The following SPIRE1 variants were observed in gnomAD, a reference collection of about 807,000 sequenced individuals.
The protein encoded by SPIRE1 is spire type actin nucleation factor 1.
A neutral mutation model predicts 94.1 loss-of-function variants in SPIRE1; 40 were observed. The ratio of observed to expected loss-of-function variants is 0.43; its 90% CI spans 0.33 to 0.55. The LOEUF is 0.55. SPIRE1 is among the 20% of genes least tolerant of loss of function. SPIRE1 has a pLI of 0.06. For missense variants in SPIRE1, 838 were observed against 975.2 expected, an observed-to-expected ratio of 0.86 and a Z score of 1.87; for synonymous variants, 376 against 371.7, an observed-to-expected ratio of 1.01 and a Z score of -0.13.
chr18:12,617,599 CG>C (rs2037348433), intron 2 of SPIRE1, among the ~76,000 whole-genome samples: 1 of 152,014 alleles, frequency 6.6e-6, no homozygotes, highest in Non-Finnish European at 1.5e-5. Context: ...TTAGTAGAGA[CG>C]GGGTTTCGCC....
At chr18:12,603,597 T>TG (rs2036896503) in intron 2 of SPIRE1, among the ~76,000 whole-genome samples, 9 of 147,492 alleles carry the variant, frequency 6.1e-5, no homozygotes, top group Non-Finnish European at 1.3e-4. Context: ...TTTTTTGAGA[T>TG]GGAGTCTCAC....
rs2143982255 is a variant in SPIRE1, at chr18:12,506,507, G to C, written c.942C>G (p.Arg314=). 6.2e-7 allele frequency: 1 copy of C among 1,613,912 alleles called. No homozygotes were observed. The highest frequency in any genetic ancestry group is 2.2e-5 in the East Asian group (1 of 44,890). Residue 314 remains arginine (R), a synonymous_variant, in exon 6 of 17, where the codon CGC becomes CGG. Transcript: ENST00000409402. The part of the protein sequence containing the change: ...TPYEMLMDDI[R]CKRYTLRKVM... ...CTTTTCGCAAGGTGTATCTTTTGCAGCGAATGTCATCCATTAACATCTCAT... is the reference window on the plus strand; with the variant it reads ...CTTTTCGCAAGGTGTATCTTTTGCACCGAATGTCATCCATTAACATCTCAT...
chr18:12,551,212 T>G (rs909763820), intron 2 of SPIRE1, among the ~76,000 whole-genome samples: 4 of 152,202 alleles, frequency 2.6e-5, no homozygotes, highest in Non-Finnish European at 5.9e-5. Flanking sequence ...TTGTCTATTT[T>G]GTTCACCATT....
chr18:12,535,025 A>G (rs917416441), intron 4 of SPIRE1, among the ~76,000 whole-genome samples: 2 of 152,248 alleles, frequency 1.3e-5, no homozygotes, highest in African/African-American at 4.8e-5. Flanking sequence ...TATGTAACAC[A>G]TGGTGACTCA....
At position 12,518,541 on chromosome 18, in the gene SPIRE1, G is replaced by C. The variant is rs72877259; in HGVS notation, c.730-6010C>G. On this transcript the variant is annotated intron_variant, in intron 4 of 16. Transcript: ENST00000409402. The stretch of plus-strand genomic sequence containing the variant: ...AGAAAAAAGCAACAAATTACTGCCA[G>C]GCACAGTGTCTCATGCCTGTAGTCC... Among the ~76,000 whole-genome samples the C allele has an allele frequency of 6.6e-3, 996 of 151,698 alleles. 4 individuals carry two copies. Among genetic ancestry groups the C allele is most frequent in the South Asian group, 0.017 (80 of 4,792 alleles).
chr18:12,554,834 A>C (rs1235582622), intron 2 of SPIRE1, among the ~76,000 whole-genome samples: 2 of 152,230 alleles, frequency 1.3e-5, no homozygotes, highest in Non-Finnish European at 2.9e-5. Context: ...AATTTCTCTG[A>C]ATAGACATAG....
At chr18:12,604,866 G>A (rs2036929835) in intron 2 of SPIRE1, among the ~76,000 whole-genome samples, 1 of 152,134 alleles carries the variant, frequency 6.6e-6, no homozygotes. Flanking sequence ...CCACCAAACA[G>A]ATGGATAAAC....
chr18:12,658,226 C>T (rs1199702438), upstream of SPIRE1: 2 of 535,338 alleles, frequency 3.7e-6, no homozygotes, highest in Non-Finnish European at 6.5e-6. Context: ...GGCAGGAGGG[C>T]CTCGCCTCGA....
chr18:12,591,049 T>C (rs1414068577), intron 2 of SPIRE1, among the ~76,000 whole-genome samples: 4 of 152,068 alleles, frequency 2.6e-5, no homozygotes, highest in Non-Finnish European at 5.9e-5. Flanking sequence ...ATAAACAAAT[T>C]ACAGTACATT....
chr18:12,634,258 TAA>T (rs71174115), intron 2 of SPIRE1, among the ~76,000 whole-genome samples: 100 of 141,006 alleles, frequency 7.1e-4, no homozygotes, highest in Non-Finnish European at 1.3e-3. Context: ...AAAATAAAAA[TAA>T]AAAAAAAAAA....
intron 9 of SPIRE1, among the ~76,000 whole-genome samples, chr18:12,481,067 C>T (rs1220107976): frequency 6.6e-6 from 1 of 152,090 alleles, no homozygotes; most frequent in East Asian, 1.9e-4. Flanking sequence ...TGGTGGCTCA[C>T]GCCTGTAATC....
chr18:12,510,155 A>C (rs1034289680), intron 5 of SPIRE1, among the ~76,000 whole-genome samples: 1 of 152,030 alleles, frequency 6.6e-6, no homozygotes, highest in African/African-American at 2.4e-5. Flanking sequence ...TAGAAAGTGC[A>C]AACTAGTCTA....
At chr18:12,495,989 T>C (rs751874958) in intron 7 of SPIRE1, 27 bp downstream of exon 7, 1 of 1,517,538 alleles carries the variant, frequency 6.6e-7, no homozygotes, top group Non-Finnish European at 9.2e-7. Context: ...ATATCTCCAA[T>C]CTAGAGAACT....
intron 9 of SPIRE1, among the ~76,000 whole-genome samples, chr18:12,483,563 G>A (rs2032921722): frequency 6.6e-6 from 1 of 151,938 alleles, no homozygotes; most frequent in African/African-American, 2.4e-5. Context: ...AAATGTGACT[G>A]GCATATAAAT....
intron 2 of SPIRE1, among the ~76,000 whole-genome samples, chr18:12,594,378 T>C (rs893886779): frequency 1.3e-5 from 2 of 152,276 alleles, no homozygotes; most frequent in East Asian, 3.9e-4. Flanking sequence ...CATTAATTAA[T>C]GGAATATTAA....
rs777593287 is a variant in SPIRE1, at chr18:12,535,587, A to T, written c.618T>A (p.His206Gln). ...TTGGTGCATCTGATTCAGTAGGGAG[A>T]TGAGCAGCACACAACTATAGAAGGG... ...YRDVMKLCAA[H>Q]LPTESDAPNH... The change falls in exon 4 of 17, where the codon CAT (histidine) becomes CAA (glutamine). Residue 206 changes from histidine to glutamine, a missense_variant. Physicochemically the swap from His to Gln is conservative, Grantham distance 24. Coordinates refer to ENST00000409402, the MANE Select transcript of SPIRE1 (RefSeq NM_001128626.2). 6.2e-7 allele frequency: 1 copy of T among 1,612,908 alleles called. No individual in the cohort carries two copies. Among genetic ancestry groups the T allele is most frequent in the Non-Finnish European group, 8.5e-7 (1 of 1,179,176 alleles).
intron 10 of SPIRE1, among the ~76,000 whole-genome samples, chr18:12,478,254 C>T (rs748790270): frequency 1.3e-5 from 2 of 151,742 alleles, no homozygotes; most frequent in African/African-American, 4.8e-5. Context: ...TGTGCATGCA[C>T]GCAGGTGTGT....
chr18:12,535,647 G>GA, intron 3 of SPIRE1, 46 bp from the exon 4 acceptor site: 1 of 1,570,980 alleles, frequency 6.4e-7, no homozygotes, highest in Non-Finnish European at 8.7e-7. Flanking sequence ...TACTATTTGG[G>GA]TTTTTTTTGT....
At chr18:12,616,762 G>A (rs956916898) in intron 2 of SPIRE1, among the ~76,000 whole-genome samples, 1 of 152,164 alleles carries the variant, frequency 6.6e-6, no homozygotes, top group Non-Finnish European at 1.5e-5. Flanking sequence ...AAAAGCTCAG[G>A]TTCTGTCATC....
Sources: allele counts gnomAD v4.1 joint callset (sites outside exome capture counted in the v4.1 genomes callset), GRCh38; gene constraint gnomAD v4.1.1; transcripts MANE v1.5; gene names NCBI Gene and HGNC (gene_info 2026-07-23, HGNC 2026-07-21).